The following ZNF423 variants were observed in gnomAD, a reference collection of about 807,000 sequenced individuals.
The protein encoded by ZNF423 is zinc finger protein 423.
ZNF423 carries 12 observed loss-of-function variants against 95.8 expected under a neutral mutation model. The ratio of observed to expected loss-of-function variants is 0.13; its 90% CI spans 0.08 to 0.20. ZNF423 has a LOEUF of 0.20. Among genes scored for constraint, ZNF423 ranks in the 10% least tolerant of loss-of-function variants. The pLI is 1.00. For missense variants in ZNF423, 1,316 were observed against 1,737.1 expected (o/e 0.76, Z 4.31); for synonymous variants, 749 against 711.9 (o/e 1.05, Z -0.83).
chr16:49,601,777 G>A (rs1971382746), intron 5 of ZNF423, among the ~76,000 whole-genome samples: 1 of 152,236 alleles, frequency 6.6e-6, no homozygotes, highest in Non-Finnish European at 1.5e-5. Context: ...CGGTGCTCAG[G>A]AACACAGCCG....
At position 49,704,318 on chromosome 16, in the gene ZNF423, G is replaced by A. The variant is rs139863944; in HGVS notation, c.301+26453C>T. 8.0e-4 allele frequency among the ~76,000 whole-genome samples: 121 copies of A among 152,188 alleles called. 2 individuals carry two copies. The highest frequency in any genetic ancestry group is 1.3e-3 in the Non-Finnish European group (90 of 67,984). ...ACTAAGCATGCCACACCTATAACAG[G>A]AAATCCAGAGGTGACCTCCCTCCTC... On this transcript the variant is annotated intron_variant, in intron 3 of 7. Transcript: ENST00000563137.
At chr16:49,771,192 C>CTTTTTTTTTTTTTT (rs71380376) in intron 2 of ZNF423, among the ~76,000 whole-genome samples, 132 of 89,450 alleles carry the variant, frequency 1.5e-3, no homozygotes, top group African/African-American at 1.8e-3. Context: ...TTTTTTTTTT[C>CTTTTTTTTTTTTTT]TTTTTTTTTT....
chr16:49,671,296 T>G (rs1412978676), intron 3 of ZNF423, among the ~76,000 whole-genome samples: 1 of 152,180 alleles, frequency 6.6e-6, no homozygotes, highest in Non-Finnish European at 1.5e-5. Context: ...CCCTCTGATC[T>G]TGTTCTTGCA....
intron 1 of ZNF423, among the ~76,000 whole-genome samples, chr16:49,836,110 AC>A (rs539150618): frequency 1.1e-4 from 17 of 151,412 alleles, no homozygotes; most frequent in African/African-American, 3.6e-4. Flanking sequence ...AGAAAGGAGG[AC>A]CCCCCCAGCC....
At chr16:49,701,550 G>A (rs369394576) in intron 3 of ZNF423, among the ~76,000 whole-genome samples, 26 of 152,236 alleles carry the variant, frequency 1.7e-4, no homozygotes, top group Admixed American at 5.9e-4. Flanking sequence ...AGACGGCAGC[G>A]CGCTACAGGA....
At chr16:49,724,408 CCCCGAGTGCATT>C (rs147964375) in intron 3 of ZNF423, among the ~76,000 whole-genome samples, 24,836 of 152,076 alleles carry the variant, frequency 0.16, 3,153 homozygotes, top group African/African-American at 0.33. Flanking sequence ...GACACCAAGG[CCCCGAGTGCATT>C]CCCTGTGGGC....
intron 5 of ZNF423, among the ~76,000 whole-genome samples, chr16:49,608,882 C>A (rs528955993): frequency 6.6e-6 from 1 of 152,264 alleles, no homozygotes; most frequent in Non-Finnish European, 1.5e-5. Context: ...GCTGGCAAGG[C>A]TTATATAATG....
At chr16:49,734,248 C>A (rs2033233825) in intron 2 of ZNF423, among the ~76,000 whole-genome samples, 1 of 152,242 alleles carries the variant, frequency 6.6e-6, no homozygotes, top group Admixed American at 6.5e-5. Context: ...TCCGCCTGTC[C>A]TGTGTGCTGC....
intron 2 of ZNF423, among the ~76,000 whole-genome samples, chr16:49,768,349 C>G (rs1300898092): frequency 6.6e-6 from 1 of 152,232 alleles, no homozygotes; most frequent in Non-Finnish European, 1.5e-5. Flanking sequence ...CAAGCAAAGG[C>G]TGTTTTAGCA....
chr16:49,754,869 G>T (rs2033696617), intron 2 of ZNF423, among the ~76,000 whole-genome samples: 1 of 152,210 alleles, frequency 6.6e-6, no homozygotes, highest in African/African-American at 2.4e-5. Context: ...TCCCTCAAAG[G>T]GCCCCCTGGG....
At chr16:49,673,801 G>C (rs192268737) in intron 3 of ZNF423, among the ~76,000 whole-genome samples, 1 of 152,190 alleles carries the variant, frequency 6.6e-6, no homozygotes, top group African/African-American at 2.4e-5. Flanking sequence ...CGCACTCCAC[G>C]TGCCCCACAG....
intron 3 of ZNF423, among the ~76,000 whole-genome samples, chr16:49,710,677 C>G (rs2032516015): frequency 6.6e-6 from 1 of 152,160 alleles, no homozygotes; most frequent in Non-Finnish European, 1.5e-5. Context: ...AGAGAGGGGA[C>G]TCCACAAAAA....
At chr16:49,578,426 G>A (rs1567479786) in intron 5 of ZNF423, among the ~76,000 whole-genome samples, 7 of 151,658 alleles carry the variant, frequency 4.6e-5, no homozygotes. Context: ...GGGCTTTGGG[G>A]TTTTTTAGCC....
In ZNF423 at chr16:49,494,537, C is replaced by T. The variant is rs527837673; in HGVS notation, c.3850-3233G>A. Among the ~76,000 whole-genome samples, 5 of 152,342 alleles carry T rather than the reference C, an allele frequency of 3.3e-5. No individual in the cohort carries two copies. The East Asian group carries it at 9.7e-4, about 29-fold the overall frequency. On this transcript the variant is annotated intron_variant, in intron 7 of 7. Coordinates refer to ENST00000563137, the MANE Select transcript of ZNF423 (RefSeq NM_001379286.1). The stretch of plus-strand genomic sequence containing the variant: ...GAGGGGCTAGACACAGACACCCAAA[C>T]ATTTGTGGGATTAATGGTGCAGCTG...
chr16:49,538,476 C>A (rs1334445345), intron 5 of ZNF423, among the ~76,000 whole-genome samples: 3 of 152,198 alleles, frequency 2.0e-5, no homozygotes, highest in Non-Finnish European at 4.4e-5. Context: ...TCCAGCCTCA[C>A]CCCCTGCCAC....
At chr16:49,631,016 C>A (rs1221551760) in intron 4 of ZNF423, among the ~76,000 whole-genome samples, 2 of 152,138 alleles carry the variant, frequency 1.3e-5, no homozygotes, top group African/African-American at 4.8e-5. Flanking sequence ...CACAGACACA[C>A]CCGCAACCCC....
At chr16:49,719,678 C>A (rs186016188) in intron 3 of ZNF423, among the ~76,000 whole-genome samples, 1 of 152,300 alleles carries the variant, frequency 6.6e-6, no homozygotes, top group African/African-American at 2.4e-5. Flanking sequence ...TCTCCTGATT[C>A]ACCATGCTAT....
intron 5 of ZNF423, among the ~76,000 whole-genome samples, chr16:49,620,579 C>T (rs1465428699): frequency 6.6e-6 from 1 of 152,166 alleles, no homozygotes; most frequent in Non-Finnish European, 1.5e-5. Context: ...CAGCCACTTT[C>T]CAAGGACAGC....
At chr16:49,540,328 G>T (rs12918756) in intron 5 of ZNF423, among the ~76,000 whole-genome samples, 33,100 of 152,162 alleles carry the variant, frequency 0.22, 4,445 homozygotes, top group African/African-American at 0.37. Context: ...AGGCTAGAGT[G>T]CAGTGGAGCA....
Sources: allele counts gnomAD v4.1 joint callset (sites outside exome capture counted in the v4.1 genomes callset), GRCh38; gene constraint gnomAD v4.1.1; transcripts MANE v1.5; gene names NCBI Gene and HGNC (gene_info 2026-07-23, HGNC 2026-07-21).